The following SYNPR variants were observed in gnomAD, a reference collection of about 807,000 sequenced individuals.
SYNPR encodes the protein synaptoporin.
A neutral mutation model predicts 32.9 loss-of-function variants in SYNPR; 23 were observed. The ratio of observed to expected loss-of-function variants is 0.70; its 90% CI spans 0.50 to 0.99. SYNPR has a LOEUF of 0.99. SYNPR is among the 50% of genes least tolerant of loss of function. The pLI, the probability that SYNPR is intolerant of heterozygous loss-of-function variation, is 0.00. For synonymous variants in SYNPR, 146 were observed against 135.9 expected, an observed-to-expected ratio of 1.07 and a Z score of -0.52; for missense variants, 318 against 349.3, an observed-to-expected ratio of 0.91 and a Z score of 0.71.
At chr3:63,405,869 G>C (rs989816473) in intron 2 of SYNPR, among the ~76,000 whole-genome samples, 1 of 152,172 alleles carries the variant, frequency 6.6e-6, no homozygotes, top group Admixed American at 6.5e-5. Flanking sequence ...GGTTCCAATA[G>C]CAATAATAAC....
chr3:63,292,926 G>A (rs1014483977), intron 2 of SYNPR, among the ~76,000 whole-genome samples: 2 of 152,194 alleles, frequency 1.3e-5, no homozygotes, highest in African/African-American at 4.8e-5. Context: ...TTAGACCAGA[G>A]TGTCAAGTTC....
chr3:63,442,186 T>TGTGTGTGTGTGC (rs1177348502), intron 2 of SYNPR, among the ~76,000 whole-genome samples: 1 of 140,840 alleles, frequency 7.1e-6, no homozygotes, highest in Non-Finnish European at 1.6e-5. Flanking sequence ...TGTGTGTGTG[T>TGTGTGTGTGTGC]GCACGCATGA....
upstream of SYNPR, chr3:63,278,273 T>G: frequency 6.2e-6 from 3 of 480,894 alleles, no homozygotes; most frequent in East Asian, 7.0e-5. Flanking sequence ...CCCCCTCCCC[T>G]GTTGTATCTA....
At chr3:63,361,695 G>T (rs180789446) in intron 2 of SYNPR, among the ~76,000 whole-genome samples, 1 of 151,884 alleles carries the variant, frequency 6.6e-6, no homozygotes, top group African/African-American at 2.4e-5. Flanking sequence ...AGGGTGATAT[G>T]GGCCGCATAG....
chr3:63,264,266 TA>T (rs1560172668), intron 2 of SYNPR, among the ~76,000 whole-genome samples: 1 of 152,010 alleles, frequency 6.6e-6, no homozygotes, highest in African/African-American at 2.4e-5. Context: ...TTGGGTAGAT[TA>T]AAAAAAGTGA....
At chr3:63,353,402 C>T (rs1425251908) in intron 2 of SYNPR, among the ~76,000 whole-genome samples, 1 of 152,164 alleles carries the variant, frequency 6.6e-6, no homozygotes, top group Non-Finnish European at 1.5e-5. Flanking sequence ...TGAGTGATGC[C>T]ACAGGCCACC....
the SYNPR span, among the ~76,000 whole-genome samples, chr3:63,209,373 G>C: frequency 3.4e-5 from 5 of 146,742 alleles, no homozygotes; most frequent in Non-Finnish European, 7.5e-5. Flanking sequence ...GAATTAAAAT[G>C]AACAAGTCCT....
At chr3:63,549,585 G>C (rs935721184) in intron 3 of SYNPR, among the ~76,000 whole-genome samples, 1 of 152,128 alleles carries the variant, frequency 6.6e-6, no homozygotes, top group African/African-American at 2.4e-5. Flanking sequence ...TGAGATACAA[G>C]TAGGTAAAGA....
chr3:63,252,015 T>C (rs1161070883), intron 1 of SYNPR, among the ~76,000 whole-genome samples: 1 of 151,934 alleles, frequency 6.6e-6, no homozygotes, highest in African/African-American at 2.4e-5. Flanking sequence ...AATAGATACA[T>C]AATACTCCAT....
chr3:63,567,037 T>C (rs1286945285), intron 4 of SYNPR, among the ~76,000 whole-genome samples: 5 of 152,212 alleles, frequency 3.3e-5, no homozygotes. Context: ...TTGTCCTGTT[T>C]ACATCAAATG....
At chr3:63,243,168 G>T (rs1187786941) in intron 1 of SYNPR, among the ~76,000 whole-genome samples, 3 of 151,810 alleles carry the variant, frequency 2.0e-5, no homozygotes, top group African/African-American at 7.3e-5. Flanking sequence ...AAATAATCAA[G>T]AATTGTCCAG....
At chr3:63,553,901 A>G (rs982674418) in intron 3 of SYNPR, among the ~76,000 whole-genome samples, 8 of 151,838 alleles carry the variant, frequency 5.3e-5, no homozygotes, top group Admixed American at 5.2e-4. Flanking sequence ...TTATATTTTT[A>G]GTAGAGATGG....
intron 2 of SYNPR, among the ~76,000 whole-genome samples, chr3:63,474,323 A>G (rs1387521100): frequency 1.3e-5 from 2 of 152,218 alleles, no homozygotes; most frequent in African/African-American, 2.4e-5. Context: ...AAATTCAGGT[A>G]TGTGAGGAAG....
At chr3:63,451,338 T>C (rs951476268) in intron 2 of SYNPR, among the ~76,000 whole-genome samples, 3 of 152,146 alleles carry the variant, frequency 2.0e-5, no homozygotes, top group Non-Finnish European at 4.4e-5. Context: ...ACTGCAGTTA[T>C]GGGATGGGTT....
chr3:63,375,622 T>A (rs1044383207), intron 2 of SYNPR, among the ~76,000 whole-genome samples: 1 of 152,110 alleles, frequency 6.6e-6, no homozygotes, highest in African/African-American at 2.4e-5. Context: ...CTAATATAAA[T>A]GACGAGTTGA....
At chr3:63,273,486 C>A (rs1338689466), upstream of SYNPR, among the ~76,000 whole-genome samples, 1 of 152,028 alleles carries the variant, frequency 6.6e-6, no homozygotes, top group African/African-American at 2.4e-5. Context: ...ATTATTAGAG[C>A]CCTTATTATA....
chr3:63,424,942 T>C (rs1308559150), intron 2 of SYNPR, among the ~76,000 whole-genome samples: 4 of 152,228 alleles, frequency 2.6e-5, no homozygotes, highest in African/African-American at 4.8e-5. Flanking sequence ...ACAACCCTTG[T>C]GTGTAAATTT....
intron 3 of SYNPR, among the ~76,000 whole-genome samples, chr3:63,542,190 G>T (rs1273604289): frequency 1.3e-5 from 2 of 152,080 alleles, no homozygotes; most frequent in African/African-American, 4.8e-5. Context: ...GTTTTCTTCT[G>T]TATTGGCCTC....
intron 3 of SYNPR, among the ~76,000 whole-genome samples, 154 bp from the exon 4 acceptor site, chr3:63,556,389 A>G (rs926644928): frequency 6.6e-6 from 1 of 152,216 alleles, no homozygotes; most frequent in African/African-American, 2.4e-5. Context: ...ATTTCTAGCT[A>G]TAATGTCTGT....
Sources: allele counts gnomAD v4.1 joint callset (sites outside exome capture counted in the v4.1 genomes callset), GRCh38; gene constraint gnomAD v4.1.1; transcripts MANE v1.5; gene names NCBI Gene and HGNC (gene_info 2026-07-23, HGNC 2026-07-21).